The following CCDC7 variants were observed in gnomAD, a reference collection of about 807,000 sequenced individuals.
The protein encoded by CCDC7 is coiled-coil domain-containing protein 7.
In CCDC7, 183 loss-of-function variants were observed where a neutral mutation model predicts 196.9. The observed-to-expected ratio is 0.93, with a 90% CI of 0.82 to 1.05. The LOEUF (loss-of-function observed/expected upper bound fraction) is 1.05, where lower values mean the gene tolerates loss of function less well. Among genes scored for constraint, CCDC7 ranks in the 50% least tolerant of loss-of-function variants. The pLI is 0.00. For synonymous variants in CCDC7, 525 were observed against 484.6 expected (o/e 1.08, Z -1.10); for missense variants, 1,540 against 1,482.2 (o/e 1.04, Z -0.64).
chr10:32,485,973 G>A (rs1439758183), intron 8 of CCDC7, among the ~76,000 whole-genome samples: 1 of 152,184 alleles, frequency 6.6e-6, no homozygotes, highest in Non-Finnish European at 1.5e-5. Flanking sequence ...TGTATATTCG[G>A]TTGATTTGGG....
chr10:32,516,564 A>C (rs2047067360), intron 9 of CCDC7, among the ~76,000 whole-genome samples: 1 of 152,184 alleles, frequency 6.6e-6, no homozygotes, highest in African/African-American at 2.4e-5. Context: ...CTGGGATTAC[A>C]TGCATGAGCC....
chr10:32,489,923 A>G (rs1234302425), intron 8 of CCDC7, among the ~76,000 whole-genome samples: 3 of 151,978 alleles, frequency 2.0e-5, no homozygotes, highest in Admixed American at 6.6e-5. Flanking sequence ...GGTTGGCACA[A>G]CAGTGGTTCC....
intron 9 of CCDC7, among the ~76,000 whole-genome samples, chr10:32,516,572 G>A (rs183499138): frequency 2.0e-5 from 3 of 152,266 alleles, no homozygotes; most frequent in Admixed American, 6.5e-5. Context: ...ACATGCATGA[G>A]CCACTGGGCC....
chr10:32,616,016 G>T (rs1366467774), intron 18 of CCDC7, among the ~76,000 whole-genome samples: 5 of 152,056 alleles, frequency 3.3e-5, no homozygotes, highest in African/African-American at 1.2e-4. Context: ...CCATTGATCT[G>T]TGTGTCTATT....
intron 28 of CCDC7, among the ~76,000 whole-genome samples, chr10:32,769,767 T>C (rs1418058119): frequency 2.0e-5 from 3 of 152,116 alleles, no homozygotes; most frequent in Non-Finnish European, 4.4e-5. Flanking sequence ...TTGCTGAGAA[T>C]GGTGGTTTCC....
chr10:32,865,983 C>T (rs1005914025), intron 41 of CCDC7, among the ~76,000 whole-genome samples: 14 of 151,790 alleles, frequency 9.2e-5, no homozygotes, highest in African/African-American at 3.4e-4. Context: ...TATACAAACA[C>T]ACACATCCTT....
At chr10:32,449,831 T>C (rs566378303), upstream of CCDC7, among the ~76,000 whole-genome samples, 3 of 152,248 alleles carry the variant, frequency 2.0e-5, no homozygotes, top group African/African-American at 7.2e-5. Context: ...ACTGCCCTTA[T>C]AAAAGAGGTC....
At chr10:32,720,574 A>T (rs1047221500) in intron 25 of CCDC7, among the ~76,000 whole-genome samples, 1 of 152,134 alleles carries the variant, frequency 6.6e-6, no homozygotes, top group African/African-American at 2.4e-5. Flanking sequence ...AACTATAATT[A>T]TAATTTAAAA....
chr10:32,643,495 A>G (rs1175820248), intron 20 of CCDC7, among the ~76,000 whole-genome samples: 1 of 151,932 alleles, frequency 6.6e-6, no homozygotes, highest in Non-Finnish European at 1.5e-5. Context: ...TCAATGTTTT[A>G]ATTTAAAATT....
intron 20 of CCDC7, among the ~76,000 whole-genome samples, chr10:32,659,511 C>G (rs980426223): frequency 6.6e-6 from 1 of 152,054 alleles, no homozygotes; most frequent in Non-Finnish European, 1.5e-5. Context: ...CACAATAAAG[C>G]AAATATCACA....
chr10:32,796,532 A>G (rs7071788), intron 29 of CCDC7, among the ~76,000 whole-genome samples: 6,730 of 152,274 alleles, frequency 0.044, 496 homozygotes, highest in African/African-American at 0.15. Context: ...TTAGAAAAAT[A>G]CAGAGAAATG....
At chr10:32,804,362 C>A (rs2085389094) in intron 29 of CCDC7, among the ~76,000 whole-genome samples, 1 of 152,134 alleles carries the variant, frequency 6.6e-6, no homozygotes, top group Non-Finnish European at 1.5e-5. Flanking sequence ...TGTATTTCTG[C>A]AAATTTAATC....
At chr10:32,633,738 A>ATGTG (rs151327256) in intron 18 of CCDC7, among the ~76,000 whole-genome samples, 3,816 of 130,798 alleles carry the variant, frequency 0.029, 204 homozygotes, top group African/African-American at 0.1. Context: ...GTGTATATAT[A>ATGTG]TGTGTGTGTG....
intron 20 of CCDC7, among the ~76,000 whole-genome samples, chr10:32,636,125 G>T (rs1259563541): frequency 6.6e-6 from 1 of 152,162 alleles, no homozygotes; most frequent in Non-Finnish European, 1.5e-5. Context: ...AGTGTGATTT[G>T]CTTATATCAT....
At chr10:32,848,106 G>T (rs1593410328) in intron 38 of CCDC7, among the ~76,000 whole-genome samples, 190 bp downstream of exon 39, 1 of 151,998 alleles carries the variant, frequency 6.6e-6, no homozygotes, top group East Asian at 1.9e-4. Flanking sequence ...AAAACCTCTA[G>T]ACAATGATTT....
chr10:32,483,600 G>A (rs1022349229), intron 8 of CCDC7, among the ~76,000 whole-genome samples: 2 of 152,142 alleles, frequency 1.3e-5, no homozygotes, highest in African/African-American at 4.8e-5. Context: ...TATTGCCTAG[G>A]TTTTCTTCTA....
intron 21 of CCDC7, among the ~76,000 whole-genome samples, chr10:32,665,393 C>CAT (rs772485127): frequency 2.6e-5 from 4 of 151,934 alleles, no homozygotes; most frequent in Non-Finnish European, 5.9e-5. Flanking sequence ...CCCAGATCAA[C>CAT]ATAATTGAGT....
In CCDC7 at chr10:32,781,451, C is replaced by T. The variant is rs149768428; in HGVS notation, c.3013+2367C>T. ...TAGTAGCATACAAAAAATTATACAT[C>T]ATGAATTTATGAGTTTTATTTCTCA... On this transcript the variant is annotated intron_variant, in intron 29 of 41. Transcript: ENST00000639629. Among the ~76,000 whole-genome samples, 97 of 152,228 alleles carry T rather than the reference C, an allele frequency of 6.4e-4. 3 individuals are homozygous for T. In the East Asian group the frequency reaches 0.019, roughly 29 times the overall value.
chr10:32,456,708 T>C (rs941034884), intron 3 of CCDC7, among the ~76,000 whole-genome samples: 1 of 152,154 alleles, frequency 6.6e-6, no homozygotes, highest in African/African-American at 2.4e-5. Context: ...GAGAGAATGA[T>C]TGGCCATTAC....
Sources: gnomAD v4.1 joint callset for allele counts (sites outside exome capture counted in the v4.1 genomes callset) on GRCh38, gnomAD v4.1.1 for gene constraint, MANE v1.5 for transcripts, NCBI Gene and HGNC (gene_info 2026-07-23, HGNC 2026-07-21) for gene names.